Variants in GGT6 observed in about 807,000 individuals in gnomAD.
GGT6 encodes the protein glutathione hydrolase 6.
A neutral mutation model predicts 17.0 loss-of-function variants in GGT6; 13 were observed. That is an observed-to-expected ratio of 0.77 (90% confidence interval 0.50 to 1.22). The LOEUF is 1.22. GGT6 is among the 50% of genes most tolerant of loss of function. GGT6 has a pLI of 0.00. For missense variants in GGT6, 628 were observed against 643.7 expected (o/e 0.98, Z 0.26); for synonymous variants, 305 against 297.9 (o/e 1.02, Z -0.25).
In GGT6 at chr17:4,557,518, T is replaced by A. The variant is rs560134772; in HGVS notation, c.*497A>T. On this transcript the variant is annotated 3_prime_UTR_variant, in exon 4 of 4. Coordinates refer to ENST00000381550, the MANE Select transcript of GGT6 (RefSeq NM_001288702.2). ...TTAGTAGAGACGGGGTTTCGCCATGTTGCCCAAGCTGGTCTCGAACTCCTA... is the reference window on the plus strand; with the variant it reads ...TTAGTAGAGACGGGGTTTCGCCATGATGCCCAAGCTGGTCTCGAACTCCTA... 3.3e-5 allele frequency: 5 copies of A among 152,316 alleles called. No homozygotes were observed. The South Asian group carries it at 6.2e-4, about 19-fold the overall frequency. The allele number at this position is 152,316 out of a possible 1,614,324, so 9.4% of individuals were successfully genotyped here.
chr17:4,559,746 C>A lies in GGT6; in HGVS notation c.155G>T (p.Gly52Val). The change falls in exon 2 of 4, where the codon GGG becomes GTG. Residue 52 changes from glycine (G) to valine (V), a missense_variant. Transcript: ENST00000381550. ...TACACGGGCCCAGGTTCCGGGCAGC[C>A]CGCCAGCCTTGTTCCTGCAGAGGGG... The part of the protein sequence containing the change: ...HQDSSRNKAG[G>V]LPGTWARVVA... The A allele has an allele frequency of 6.2e-7, 1 of 1,611,332 alleles. No individual in the cohort carries two copies. The highest frequency in any genetic ancestry group is 1.1e-5 in the South Asian group (1 of 91,026).
chr17:4,559,188 G>A (rs1204400872), intron 3 of GGT6, 131 bp from the exon 4 acceptor site: 13 of 1,286,092 alleles, frequency 1.0e-5, no homozygotes, highest in South Asian at 5.5e-5. Flanking sequence ...CCACAGACCC[G>A]GGCTCAAGGG....
chr17:4,559,496 G>C (rs556101605), intron 2 of GGT6, 40 bp from the exon 3 acceptor site: 1 of 1,576,130 alleles, frequency 6.3e-7, no homozygotes, highest in Admixed American at 1.8e-5. Flanking sequence ...AAGGAGGGGG[G>C]CTAGGCTGGG....
chr17:4,559,445 G>T lies in GGT6; in HGVS notation c.355C>A (p.His119Asn). The T allele has an allele frequency of 3.9e-6, 6 of 1,553,246 alleles. No homozygotes were observed. The highest frequency in any genetic ancestry group is 5.2e-6 in the Non-Finnish European group (6 of 1,147,828). The change falls in exon 3 of 4, where the codon CAC becomes AAC. Residue 119 changes from histidine to asparagine, a missense_variant. His to Asn is a moderately conservative substitution (Grantham distance 68). Transcript: ENST00000381550. ...GCAACAAGCAGCTCTCGGCCTAGGT[G>T]GGAGCATGTGGCTGCAGCAAGGAAG... ...AIISPAATCS[H>N]LGRELLVAGG...
chr17:4,556,340 G>A (rs186724387), downstream of GGT6, among the ~76,000 whole-genome samples: 1 of 152,272 alleles, frequency 6.6e-6, no homozygotes, highest in African/African-American at 2.4e-5. Context: ...GAGCAGGTGG[G>A]GTGGGTGATG....
Position 4,557,106 on chromosome 17 carries a change from C to T in GGT6, c.*909G>A, listed in dbSNP as rs893076091. On this transcript the variant is annotated 3_prime_UTR_variant, in exon 4 of 4. Coordinates refer to ENST00000381550, the MANE Select transcript of GGT6 (RefSeq NM_001288702.2). Reference sequence around the variant, plus strand: ...ACTCTTTCCACTGTCCTCCTGAAAGCTGGATCTGAACTCAGTGCTAGCCCC... The same window carrying T: ...ACTCTTTCCACTGTCCTCCTGAAAGTTGGATCTGAACTCAGTGCTAGCCCC... 6.6e-6 allele frequency: 1 copy of T among 152,252 alleles called. No individual in the cohort carries two copies. The highest frequency in any genetic ancestry group is 2.4e-5 in the African/African-American group (1 of 41,448). 9.4% of individuals were successfully genotyped at this position (152,252 alleles called of 1,614,324 possible). A position where few individuals can be genotyped will look rare whatever the true frequency, so the allele number is the denominator to read the frequency against.
In GGT6 at chr17:4,558,173, G is replaced by A. The variant is rs759642743; in HGVS notation, c.1342C>T (p.Pro448Ser). The A allele has an allele frequency of 7.4e-6, 12 of 1,613,924 alleles. No individual in the cohort carries two copies. The highest frequency in any genetic ancestry group is 2.7e-5 in the African/African-American group (2 of 74,918). The change falls in exon 4 of 4, where the codon CCC becomes TCC. Residue 448 changes from proline to serine, a missense_variant. By Grantham distance (74) the Pro-to-Ser change is moderately conservative. Coordinates refer to ENST00000381550, the MANE Select transcript of GGT6 (RefSeq NM_001288702.2). ...HTLLRHLAAR[P>S]PTQAQHQHQG... is the part of the protein sequence containing the mutation. ...TGCTGGTGCTGGGCCTGGGTAGGGG[G>A]CCTTGCTGCCAGATGCCTGAGTAGG...
Position 4,559,726 on chromosome 17 carries a change from G to A in GGT6, c.175C>T (p.Arg59Cys), listed in dbSNP as rs776710223. 2.0e-5 allele frequency: 32 copies of A among 1,612,146 alleles called. No individual in the cohort carries two copies. The Admixed American group carries it at 2.5e-4, about 13-fold the overall frequency. The change falls in exon 2 of 4, where the codon CGT (arginine) becomes TGT (cysteine). Residue 59 changes from arginine to cysteine, a missense_variant. Arg to Cys is a radical substitution (Grantham distance 180, BLOSUM62 -3). Coordinates refer to ENST00000381550, the MANE Select transcript of GGT6 (RefSeq NM_001288702.2). ...AGCAGCAGCAGGGCTGCCACTACAC[G>A]GGCCCAGGTTCCGGGCAGCCCGCCA... Reference protein sequence around the residue: ...KAGGLPGTWARVVAALLLLAV... With the variant: ...KAGGLPGTWACVVAALLLLAV...
chr17:4,557,836 G>T lies in GGT6; in HGVS notation c.*179C>A. On this transcript the variant is annotated 3_prime_UTR_variant, in exon 4 of 4. Transcript: ENST00000381550. ...AGATGAGATCTTGCTTTGTTGTCTA[G>T]GCTAGTTTCAAACTCCTGGCCTCGA... 1 of 537,480 alleles carries T rather than the reference G, an allele frequency of 1.9e-6. No homozygotes were observed. The highest frequency in any genetic ancestry group is 3.3e-6 in the Non-Finnish European group (1 of 307,068). The allele number at this position is 537,480 out of a possible 1,614,324, so 33.3% of individuals were successfully genotyped here. A position where few individuals can be genotyped will look rare whatever the true frequency, so the allele number is the denominator to read the frequency against.
At chr17:4,556,141 G>A (rs756280457), downstream of GGT6, among the ~76,000 whole-genome samples, 3 of 152,356 alleles carry the variant, frequency 2.0e-5, no homozygotes, top group Non-Finnish European at 4.4e-5. Flanking sequence ...TGAGGGTGAT[G>A]GGAAGTCACT....
At position 4,558,354 on chromosome 17, in the gene GGT6, G is replaced by A. The variant is rs1272894511; in HGVS notation, c.1161C>T (p.Ser387=). Residue 387 remains serine (S), a synonymous_variant, in exon 4 of 4, where the codon AGC becomes AGT. Transcript: ENST00000381550. The part of the protein sequence containing the change: ...CSFGSAHLSP[S]TGVLLSNLVA... ...CCAGGTTGCTGAGCAGAACCCCAGTGCTTGGGGACAGGTGTGCAGAGCCAA... is the reference window on the plus strand; with the variant it reads ...CCAGGTTGCTGAGCAGAACCCCAGTACTTGGGGACAGGTGTGCAGAGCCAA... 1.2e-6 allele frequency: 2 copies of A among 1,607,898 alleles called. No homozygotes were observed. The highest frequency in any genetic ancestry group is 1.7e-6 in the Non-Finnish European group (2 of 1,180,008).
intron 1 of GGT6, chr17:4,560,024 A>T: frequency 1.7e-6 from 1 of 579,522 alleles, no homozygotes. Context: ...AGGGAGGCCC[A>T]GTGGGGTGTG....
In GGT6 at chr17:4,559,385, C is replaced by T; in HGVS notation, c.415G>A (p.Ala139Thr). 1.3e-6 allele frequency: 2 copies of T among 1,551,712 alleles called. No homozygotes were observed. Among genetic ancestry groups the T allele is most frequent in the Non-Finnish European group, 1.7e-6 (2 of 1,147,000 alleles). ...GNVVDAGVGAALCLAVVHPHA... is the reference protein window; with the variant it reads ...GNVVDAGVGATLCLAVVHPHA... ...GGATGCACCACTGCCAGGCACAATG[C>T]AGCTCCAACTCCAGCATCCACGACG... is the stretch of plus-strand genomic sequence containing the variant. Residue 139 changes from alanine (A) to threonine (T), a missense_variant, in exon 3 of 4, where the codon GCA becomes ACA. Coordinates refer to ENST00000381550, the MANE Select transcript of GGT6 (RefSeq NM_001288702.2).
chr17:4,556,275 T>C (rs543130960), downstream of GGT6, among the ~76,000 whole-genome samples: 21 of 152,108 alleles, frequency 1.4e-4, no homozygotes, highest in Admixed American at 2.6e-4. Context: ...CATTTAGAGA[T>C]AGTGGTGGAC....
rs771674490 is a variant in GGT6 at position 4,559,007 on chromosome 17, C to T, written c.508G>A (p.Ala170Thr). Residue 170 changes from alanine to threonine, a missense_variant, in exon 4 of 4, where the codon GCC (alanine) becomes ACC (threonine). By Grantham distance (58) the Ala-to-Thr change is moderately conservative. Transcript: ENST00000381550. ...GTCTGTGCTGGGCCTGATGTCAGGG[C>T]CGTGGAATTGCCTGAGGAGCTATCG... ...FHDSSSGNST[A>T]LTSGPAQTLA... is the part of the protein sequence containing the mutation. The T allele has an allele frequency of 3.9e-6, 6 of 1,544,338 alleles. No individual in the cohort carries two copies. The South Asian group carries it at 6.0e-5, about 15-fold the overall frequency.
At chr17:4,560,203 T>G (rs1260505432) in intron 1 of GGT6, among the ~76,000 whole-genome samples, 179 bp downstream of exon 1, 1 of 152,196 alleles carries the variant, frequency 6.6e-6, no homozygotes, top group Non-Finnish European at 1.5e-5. Context: ...ATGCACAGAC[T>G]TTTGATTGGG....
At chr17:4,556,311 T>A (rs1908105865), downstream of GGT6, among the ~76,000 whole-genome samples, 1 of 151,766 alleles carries the variant, frequency 6.6e-6, no homozygotes, top group African/African-American at 2.4e-5. Context: ...TGAGAACAGG[T>A]CAGATTTGGG....
Position 4,560,471 on chromosome 17 carries a change from C to G in GGT6, c.51G>C (p.Glu17Asp). The G allele has an allele frequency of 6.2e-7, 1 of 1,613,798 alleles. No individual in the cohort carries two copies. Among genetic ancestry groups the G allele is most frequent in the Non-Finnish European group, 8.5e-7 (1 of 1,180,022 alleles). ...PVVYQKLLPW[E>D]PSLESEEEVE... ...CTTCCTCCTCCGACTCCAAGCTTGG[C>G]TCCCAGGGCAGCAGCTTCTGATAGA... The change falls in exon 1 of 4, where the codon GAG (glutamate) becomes GAC (aspartate). Residue 17 changes from glutamate (E) to aspartate (D), a missense_variant. Coordinates refer to ENST00000381550, the MANE Select transcript of GGT6 (RefSeq NM_001288702.2).
In GGT6 at chr17:4,557,985, C is replaced by G. The variant is rs575670066; in HGVS notation, c.*30G>C. On this transcript the variant is annotated 3_prime_UTR_variant, in exon 4 of 4. Coordinates refer to ENST00000381550, the MANE Select transcript of GGT6 (RefSeq NM_001288702.2). ...TCCTGCCCCCATGCTTCAGATAACT[C>G]TGCCTTCTGCCAGACCCACCCCCAT... The G allele has an allele frequency of 7.1e-7, 1 of 1,414,572 alleles. No homozygotes were observed. The highest frequency in any genetic ancestry group is 1.4e-5 in the African/African-American group (1 of 70,092). The allele number at this position is 1,414,572 out of a possible 1,614,324, so 87.6% of individuals were successfully genotyped here.
Sources: gnomAD v4.1 joint callset for allele counts (sites outside exome capture counted in the v4.1 genomes callset) on GRCh38, gnomAD v4.1.1 for gene constraint, MANE v1.5 for transcripts, NCBI Gene and HGNC (gene_info 2026-07-23, HGNC 2026-07-21) for gene names.